The following ADAMTS18 variants were observed in gnomAD, a reference collection of about 807,000 sequenced individuals.
The protein encoded by ADAMTS18 is A disintegrin and metalloproteinase with thrombospondin motifs 18.
ADAMTS18 carries 157 observed loss-of-function variants against 165.9 expected under a neutral mutation model. That is an observed-to-expected ratio of 0.95 (90% CI 0.83 to 1.08). The LOEUF is 1.08. ADAMTS18 is among the 50% of genes least tolerant of loss of function. The pLI, the probability that ADAMTS18 is intolerant of heterozygous loss-of-function variation, is 0.00. For missense variants in ADAMTS18, 2,040 were observed against 1,534.0 expected, an observed-to-expected ratio of 1.33 and a Z score of -5.51; for synonymous variants, 782 against 578.2, an observed-to-expected ratio of 1.35 and a Z score of -5.06.
At chr16:77,311,343 T>C (rs2055776470) in intron 16 of ADAMTS18, among the ~76,000 whole-genome samples, 1 of 152,172 alleles carries the variant, frequency 6.6e-6, no homozygotes, top group Non-Finnish European at 1.5e-5. Flanking sequence ...GATTTAATAT[T>C]TTTGTATTGG....
intron 3 of ADAMTS18, among the ~76,000 whole-genome samples, chr16:77,375,093 G>C (rs2056929870): frequency 6.6e-6 from 1 of 152,100 alleles, no homozygotes; most frequent in Non-Finnish European, 1.5e-5. Context: ...CAGTGAATGA[G>C]ACAGATCTGT....
chr16:77,372,946 T>C (rs1327603133), intron 3 of ADAMTS18, among the ~76,000 whole-genome samples: 1 of 152,206 alleles, frequency 6.6e-6, no homozygotes, highest in Non-Finnish European at 1.5e-5. Flanking sequence ...AATCTCTGCA[T>C]AATCAACTCC....
At chr16:77,400,988 G>C (rs2057324361) in intron 3 of ADAMTS18, among the ~76,000 whole-genome samples, 1 of 152,054 alleles carries the variant, frequency 6.6e-6, no homozygotes, top group Admixed American at 6.5e-5. Context: ...AGGCATGGTG[G>C]CTCAGGCCTG....
intron 3 of ADAMTS18, among the ~76,000 whole-genome samples, chr16:77,423,901 A>AAG (rs1458692393): frequency 6.6e-6 from 1 of 152,022 alleles, no homozygotes; most frequent in Non-Finnish European, 1.5e-5. Flanking sequence ...GTAGCTGGTA[A>AAG]AGAGAGAGAG....
At chr16:77,285,937 C>G (rs1263154912) in intron 22 of ADAMTS18, among the ~76,000 whole-genome samples, 1 of 152,184 alleles carries the variant, frequency 6.6e-6, no homozygotes, top group African/African-American at 2.4e-5. Flanking sequence ...CTCCTTTCAC[C>G]TTAACTGCCA....
chr16:77,362,256 T>C lies in ADAMTS18; in HGVS notation c.1065A>G (p.Leu355=), dbSNP rs1272202106. 3 of 1,614,034 alleles carry C rather than the reference T, an allele frequency of 1.9e-6. No individual in the cohort carries two copies. Among genetic ancestry groups the C allele is most frequent in the African/African-American group, 1.3e-5 (1 of 74,944 alleles). The stretch of plus-strand genomic sequence containing the variant: ...ACTGGTCTGCATGATGGTTGATCAA[T>C]AATCCTCCCTATGGGAAACCCACAC... The part of the protein sequence containing the change: ...LILLEQEPGG[L]LINHHADQSL... Residue 355 remains leucine, a synonymous_variant, in exon 7 of 23, where the codon TTA becomes TTG. Coordinates refer to ENST00000282849, the MANE Select transcript of ADAMTS18 (RefSeq NM_199355.4).
chr16:77,334,816 A>ATATATACTATATACTATAGTATACAGTG (rs2056277433), intron 12 of ADAMTS18, among the ~76,000 whole-genome samples: 1 of 123,128 alleles, frequency 8.1e-6, no homozygotes, highest in African/African-American at 3.1e-5. Flanking sequence ...AGTATACAGT[A>ATATATACTATATACTATAGTATACAGTG]TATATACTAT....
chr16:77,376,453 G>C (rs1271368187), intron 3 of ADAMTS18, among the ~76,000 whole-genome samples: 1 of 152,142 alleles, frequency 6.6e-6, no homozygotes, highest in African/African-American at 2.4e-5. Flanking sequence ...GGCTGCCAAA[G>C]GTTGATGGTG....
chr16:77,355,976 G>A lies in ADAMTS18; in HGVS notation c.1424C>T (p.Ser475Phe). ...CTTGAGATACTGGCGGCTGCAGGAAGACCATGAAAACACTCCATTGTTTCC... is the reference window on the plus strand; with the variant it reads ...CTTGAGATACTGGCGGCTGCAGGAAAACCATGAAAACACTCCATTGTTTCC... The part of the protein sequence containing the change: ...LTGNNGVFSW[S>F]SCSRQYLKKF... The change falls in exon 9 of 23, where the codon TCT (serine) becomes TTT (phenylalanine). Residue 475 changes from serine (S) to phenylalanine (F), a missense_variant. Physicochemically the swap from Ser to Phe is radical, Grantham distance 155. Transcript: ENST00000282849. The A allele has an allele frequency of 6.2e-7, 1 of 1,614,086 alleles. No homozygotes were observed. Among genetic ancestry groups the A allele is most frequent in the Non-Finnish European group, 8.5e-7 (1 of 1,179,980 alleles).
chr16:77,338,770 G>A (rs951211368), intron 11 of ADAMTS18, among the ~76,000 whole-genome samples: 38 of 151,548 alleles, frequency 2.5e-4, no homozygotes, highest in African/African-American at 7.8e-4. Flanking sequence ...TGGCTAATAC[G>A]GTGAAACCTC....
At chr16:77,326,137 C>G (rs1483099929) in intron 12 of ADAMTS18, 99 bp from the exon 13 acceptor site, 8 of 1,175,820 alleles carry the variant, frequency 6.8e-6, no homozygotes, top group Non-Finnish European at 9.9e-6. Context: ...TGAGCACTGC[C>G]ACAGTGTATG....
chr16:77,329,830 A>G (rs2144658774), intron 12 of ADAMTS18, among the ~76,000 whole-genome samples: 1 of 152,298 alleles, frequency 6.6e-6, no homozygotes, highest in East Asian at 1.9e-4. Flanking sequence ...TTTAATATTA[A>G]AAAGAAATAT....
At position 77,341,811 on chromosome 16, in the gene ADAMTS18, A is replaced by T. The variant is rs2056402909; in HGVS notation, c.1615-12T>A. The T allele has an allele frequency of 6.3e-7, 1 of 1,596,344 alleles. No individual in the cohort carries two copies. Among genetic ancestry groups the T allele is most frequent in the Non-Finnish European group, 8.6e-7 (1 of 1,166,534 alleles). ...GATTTGCAAATATCCTGAAATAAAA[A>T]AAAAGGGGGGTGCTGTTAATGGTGA... is the stretch of plus-strand genomic sequence containing the variant. On this transcript the variant is annotated splice_polypyrimidine_tract_variant and intron_variant, in intron 10 of 22. Transcript: ENST00000282849.
At chr16:77,347,214 A>G (rs2056490387) in intron 10 of ADAMTS18, among the ~76,000 whole-genome samples, 1 of 152,218 alleles carries the variant, frequency 6.6e-6, no homozygotes, top group East Asian at 1.9e-4. Context: ...ACGTTTAAAT[A>G]GTATCTAGTC....
intron 12 of ADAMTS18, among the ~76,000 whole-genome samples, chr16:77,334,239 GTGTTATATATTACATATAATATATAGTGT>G (rs2056247585): frequency 8.6e-5 from 6 of 69,782 alleles, no homozygotes; most frequent in Non-Finnish European, 1.3e-4. Flanking sequence ...ATAATATATA[GTGTTATATATTACATATAATATATAGTGT>G]TATATATTAT....
intron 3 of ADAMTS18, among the ~76,000 whole-genome samples, chr16:77,389,281 G>C (rs184168856): frequency 3.4e-4 from 52 of 152,304 alleles, no homozygotes; most frequent in African/African-American, 1.3e-3. Context: ...CTCCAGTCTA[G>C]GCGACAGAGT....
intron 3 of ADAMTS18, among the ~76,000 whole-genome samples, chr16:77,379,486 TTTTTA>T (rs1246740011): frequency 6.6e-6 from 1 of 152,126 alleles, no homozygotes; most frequent in Non-Finnish European, 1.5e-5. Context: ...TATCTGTTTA[TTTTTA>T]TTTTATTTAT....
chr16:77,287,159 T>C (rs1159917114), intron 22 of ADAMTS18, among the ~76,000 whole-genome samples: 5 of 152,110 alleles, frequency 3.3e-5, no homozygotes, highest in African/African-American at 9.7e-5. Context: ...GAGGAAACTC[T>C]CACAGTGCCT....
chr16:77,331,959 C>T (rs1451960759), intron 12 of ADAMTS18, among the ~76,000 whole-genome samples: 1 of 152,144 alleles, frequency 6.6e-6, no homozygotes, highest in East Asian at 1.9e-4. Context: ...TTTAAAATGT[C>T]CTTTTGCTCT....
Sources: gnomAD v4.1 joint callset for allele counts (sites outside exome capture counted in the v4.1 genomes callset) on GRCh38, gnomAD v4.1.1 for gene constraint, MANE v1.5 for transcripts, NCBI Gene and HGNC (gene_info 2026-07-23, HGNC 2026-07-21) for gene names.